The following TEX264 variants were observed in gnomAD, a reference collection of about 807,000 sequenced individuals.
TEX264 encodes testis-expressed protein 264.
TEX264 carries 13 observed loss-of-function variants against 23.4 expected under a neutral mutation model. The observed-to-expected ratio is 0.56, with a 90% CI of 0.36 to 0.88. The LOEUF (loss-of-function observed/expected upper bound fraction) is 0.88. Among genes scored for constraint, TEX264 ranks in the 40% least tolerant of loss-of-function variants. The pLI is 0.01. For synonymous variants in TEX264, 159 were observed against 170.0 expected (o/e 0.94, Z 0.50); for missense variants, 340 against 406.8 (o/e 0.84, Z 1.41).
At chr3:51,682,511 G>A (rs1702465254) in intron 2 of TEX264, 1 of 152,270 alleles carries the variant, frequency 6.6e-6, no homozygotes, top group South Asian at 2.1e-4. Flanking sequence ...GGTTTGGGTG[G>A]TCGGGCATTC....
At chr3:51,687,990 GC>G (rs1206513346) in intron 3 of TEX264, among the ~76,000 whole-genome samples, 1 of 152,192 alleles carries the variant, frequency 6.6e-6, no homozygotes, top group Admixed American at 6.5e-5. Flanking sequence ...CTGGCAAACT[GC>G]TATAGATGCT....
intron 1 of TEX264, among the ~76,000 whole-genome samples, chr3:51,673,598 G>C (rs986853698): frequency 6.6e-6 from 1 of 152,182 alleles, no homozygotes; most frequent in African/African-American, 2.4e-5. Context: ...GTTGGACTTT[G>C]TTCTGCCTGC....
At chr3:51,674,631 A>C in intron 2 of TEX264, 69 bp downstream of exon 2, 1 of 1,568,672 alleles carries the variant, frequency 6.4e-7, no homozygotes, top group South Asian at 1.1e-5. Flanking sequence ...TGGGGAGGGT[A>C]GTTTTGGTTG....
At chr3:51,696,768 A>G (rs546477393) in intron 3 of TEX264, among the ~76,000 whole-genome samples, 2 of 152,292 alleles carry the variant, frequency 1.3e-5, no homozygotes, top group African/African-American at 4.8e-5. Context: ...TTCTCTGCCC[A>G]AGTCTGAATT....
At chr3:51,701,121 G>A (rs956335689) in intron 4 of TEX264, among the ~76,000 whole-genome samples, 3 of 152,184 alleles carry the variant, frequency 2.0e-5, no homozygotes, top group Non-Finnish European at 4.4e-5. Flanking sequence ...GTCTTGCACT[G>A]GCTGTGGGCA....
At chr3:51,672,542 G>C (rs1702085236) in intron 1 of TEX264, 1 of 152,266 alleles carries the variant, frequency 6.6e-6, no homozygotes, top group Non-Finnish European at 1.5e-5. Context: ...GGCAAGTGGG[G>C]GCCTAGATGC....
At position 51,674,409 on chromosome 3, in the gene TEX264, A is replaced by T. The variant is rs769193290; in HGVS notation, c.105A>T (p.Glu35Asp). 6.2e-7 allele frequency: 1 copy of T among 1,614,176 alleles called. No individual in the cohort carries two copies. The highest frequency in any genetic ancestry group is 1.1e-5 in the South Asian group (1 of 91,082). Reference sequence around the variant, plus strand: ...ACTCAGGGCTACTGGCTGGGGTGGAAGTGAGTGCTGGGTCACCCCCCATCC... The same window carrying T: ...ACTCAGGGCTACTGGCTGGGGTGGATGTGAGTGCTGGGTCACCCCCCATCC... ...AGYSGLLAGV[E>D]VSAGSPPIRN... Residue 35 changes from glutamate (E) to aspartate (D), a missense_variant, in exon 2 of 5, where the codon GAA becomes GAT. Coordinates refer to ENST00000341333, the MANE Select transcript of TEX264 (RefSeq NM_015926.6).
chr3:51,703,956 G>C lies in TEX264; in HGVS notation c.882G>C (p.Glu294Asp), dbSNP rs1559686938. 1.3e-6 allele frequency: 2 copies of C among 1,578,666 alleles called. No individual in the cohort carries two copies. Among genetic ancestry groups the C allele is most frequent in the East Asian group, 4.5e-5 (2 of 44,136 alleles). Residue 294 changes from glutamate to aspartate, a missense_variant, in exon 5 of 5, where the codon GAG (glutamate) becomes GAC (aspartate). By Grantham distance (45) the Glu-to-Asp change is conservative. Transcript: ENST00000341333. The surrounding 1 kb of genome is among the most constrained non-coding windows in gnomAD (Gnocchi z 4.8). Reference protein sequence around the residue: ...LGESRLDPGTEPLGTTKWLWE... With the variant: ...LGESRLDPGTDPLGTTKWLWE... ...AGTCACGGCTGGACCCTGGGACTGA[G>C]CCCCTGGGGACTACCAAGTGGCTCT...
rs780430654 is a variant in TEX264, at chr3:51,703,584, G to C, written c.650-140G>C. On this transcript the variant is annotated intron_variant, in intron 4 of 4. Coordinates refer to ENST00000341333, the MANE Select transcript of TEX264 (RefSeq NM_015926.6). The surrounding 1 kb of genome is among the most constrained non-coding windows in gnomAD (Gnocchi z 4.8). ...TCTGTGCAGCCCCAGTCAGGGTAGA[G>C]GGCAGAGGGCAGCTGGAGCAAGCCC... 2 of 764,832 alleles carry C rather than the reference G, an allele frequency of 2.6e-6. No individual in the cohort carries two copies. The highest frequency in any genetic ancestry group is 4.2e-6 in the Non-Finnish European group (2 of 481,454). 47.4% of individuals were successfully genotyped at this position (764,832 alleles called of 1,614,324 possible).
At chr3:51,689,387 G>A (rs1337374206) in intron 3 of TEX264, among the ~76,000 whole-genome samples, 3 of 151,186 alleles carry the variant, frequency 2.0e-5, no homozygotes, top group East Asian at 1.9e-4. Flanking sequence ...CCAAGATCAC[G>A]CCATTGCACA....
At chr3:51,681,536 G>C (rs1702429695) in intron 2 of TEX264, 1 of 152,382 alleles carries the variant, frequency 6.6e-6, no homozygotes, top group African/African-American at 2.4e-5. Flanking sequence ...GAGTTTCCCA[G>C]TCAGAAGGGA....
chr3:51,675,638 C>G (rs542919202), intron 2 of TEX264, among the ~76,000 whole-genome samples: 305 of 152,338 alleles, frequency 2.0e-3, no homozygotes, highest in African/African-American at 7.1e-3. Flanking sequence ...TTGATGTCCA[C>G]AGAACTTTGA....
At chr3:51,693,464 C>T (rs571698526) in intron 3 of TEX264, among the ~76,000 whole-genome samples, 7 of 150,572 alleles carry the variant, frequency 4.6e-5, no homozygotes, top group South Asian at 2.1e-4. Context: ...CATTATATCT[C>T]GTTTCCATTA....
At chr3:51,695,113 C>T (rs1698145940) in intron 3 of TEX264, among the ~76,000 whole-genome samples, 1 of 152,226 alleles carries the variant, frequency 6.6e-6, no homozygotes, top group Non-Finnish European at 1.5e-5. Flanking sequence ...ATCACTTCAC[C>T]CAGTGAGGAG....
intron 3 of TEX264, among the ~76,000 whole-genome samples, chr3:51,687,579 G>A (rs1033553811): frequency 2.0e-5 from 3 of 152,202 alleles, no homozygotes; most frequent in African/African-American, 4.8e-5. Flanking sequence ...CTCTGGATCT[G>A]GGACTGCTGT....
intron 3 of TEX264, among the ~76,000 whole-genome samples, chr3:51,694,085 G>GTCCGTCCGTCCTTCCT (rs1407573549): frequency 4.7e-5 from 4 of 85,330 alleles, no homozygotes; most frequent in South Asian, 5.7e-4. Context: ...CCTTCCGTCC[G>GTCCGTCCGTCCTTCCT]TCCTTCCTTC....
chr3:51,688,978 A>G (rs1329628807), intron 3 of TEX264, among the ~76,000 whole-genome samples: 1 of 151,786 alleles, frequency 6.6e-6, no homozygotes, highest in Admixed American at 6.6e-5. Context: ...AAACAGAAAA[A>G]AAATTAGCCA....
At position 51,686,484 on chromosome 3, in the gene TEX264, C is replaced by CTG. The variant is rs1412967452; in HGVS notation, c.480+1854_480+1855dup. 6.6e-6 allele frequency among the ~76,000 whole-genome samples: 1 copy of CTG among 152,178 alleles called. No individual in the cohort carries two copies. The highest frequency in any genetic ancestry group is 1.5e-5 in the Non-Finnish European group (1 of 68,040). ...AATAAATGAGGCCCTGGGTCACCAG[C>CTG]TGTGTCCTTGGCGGTCAAAGACAGG... On this transcript the variant is annotated intron_variant, in intron 3 of 4. Transcript: ENST00000341333. The surrounding 1 kb of genome is among the most constrained non-coding windows in gnomAD (Gnocchi z 4.1).
chr3:51,676,104 GGACA>G (rs1041269649), intron 2 of TEX264, among the ~76,000 whole-genome samples: 1 of 152,180 alleles, frequency 6.6e-6, no homozygotes, highest in African/African-American at 2.4e-5. Context: ...GAGTGGGATG[GGACA>G]GACAGTGGGC....
Sources: allele counts gnomAD v4.1 joint callset (sites outside exome capture counted in the v4.1 genomes callset), GRCh38; gene constraint gnomAD v4.1.1; non-coding constraint Gnocchi (gnomAD v3.1); transcripts MANE v1.5; gene names NCBI Gene and HGNC (gene_info 2026-07-23, HGNC 2026-07-21).